Variants in NOP58 observed in about 807,000 individuals in gnomAD.
NOP58 encodes nucleolar protein 58.
A neutral mutation model predicts 71.2 loss-of-function variants in NOP58; 44 were observed. The ratio of observed to expected loss-of-function variants is 0.62; its 90% CI spans 0.49 to 0.79. The LOEUF (loss-of-function observed/expected upper bound fraction) is 0.79. Among genes scored for constraint, NOP58 ranks in the 30% least tolerant of loss-of-function variants. The pLI, the probability that NOP58 is intolerant of heterozygous loss-of-function variation, is 0.00. For synonymous variants in NOP58, 228 were observed against 200.3 expected (o/e 1.14, Z -1.17); for missense variants, 538 against 620.2 (o/e 0.87, Z 1.41).
At chr2:202,271,574 TAA>T (rs951242249) in intron 1 of NOP58, among the ~76,000 whole-genome samples, 2 of 137,826 alleles carry the variant, frequency 1.5e-5, no homozygotes, top group Non-Finnish European at 3.2e-5. Flanking sequence ...GTCTCAAAAA[TAA>T]AAAAAAAAAG....
intron 9 of NOP58, chr2:202,293,179 C>T (rs188853016): frequency 4.8e-6 from 3 of 621,158 alleles, no homozygotes; most frequent in South Asian, 4.2e-5. Flanking sequence ...TTAGAACAAT[C>T]GGATGAATGC....
At chr2:202,271,180 T>A (rs1365685849) in intron 1 of NOP58, among the ~76,000 whole-genome samples, 1 of 152,112 alleles carries the variant, frequency 6.6e-6, no homozygotes, top group African/African-American at 2.4e-5. Context: ...ATGGGCTCAA[T>A]CCTAAAAGGC....
intron 1 of NOP58, among the ~76,000 whole-genome samples, chr2:202,269,049 G>A (rs1288313737): frequency 6.6e-6 from 1 of 152,150 alleles, no homozygotes; most frequent in African/African-American, 2.4e-5. Context: ...GGGTGCAGTG[G>A]CAGGATCATG....
intron 9 of NOP58, among the ~76,000 whole-genome samples, chr2:202,294,645 A>G (rs1003438152): frequency 6.6e-6 from 1 of 152,170 alleles, no homozygotes; most frequent in African/African-American, 2.4e-5. Context: ...GATATCAACA[A>G]CAGTCATAAT....
chr2:202,276,925 T>TC (rs1378653882), intron 2 of NOP58, among the ~76,000 whole-genome samples: 2 of 151,632 alleles, frequency 1.3e-5, no homozygotes, highest in Non-Finnish European at 2.9e-5. Flanking sequence ...GATCACAAGG[T>TC]CAGGAGTTTG....
intron 13 of NOP58, among the ~76,000 whole-genome samples, chr2:202,301,374 A>G (rs1220336868): frequency 1.3e-5 from 2 of 152,016 alleles, no homozygotes; most frequent in South Asian, 4.1e-4. Context: ...TAGTAGAGAC[A>G]GGGTTTCACC....
Position 202,280,393 on chromosome 2 carries a change from G to A in NOP58, c.176-1958G>A, listed in dbSNP as rs1164198262. Reference sequence around the variant, plus strand: ...GGCTGGAGTGCAGTGGCATGATCTCGGCTCACTGCAGTCTCCACCTCCTGA... The same window carrying A: ...GGCTGGAGTGCAGTGGCATGATCTCAGCTCACTGCAGTCTCCACCTCCTGA... On this transcript the variant is annotated intron_variant, in intron 3 of 14. Transcript: ENST00000264279. Among the ~76,000 whole-genome samples the A allele has an allele frequency of 4.0e-5, 6 of 151,678 alleles. No individual in the cohort carries two copies. The East Asian group carries it at 5.8e-4, about 15-fold the overall frequency.
At chr2:202,292,660 A>T (rs1042379862) in intron 8 of NOP58, 117 bp from the exon 9 acceptor site, 6 of 768,988 alleles carry the variant, frequency 7.8e-6, no homozygotes, top group Non-Finnish European at 1.3e-5. Flanking sequence ...TGATGTACCC[A>T]GTACCCAGGG....
At chr2:202,291,320 T>C in intron 8 of NOP58, 50 bp downstream of exon 8, 1 of 1,416,254 alleles carries the variant, frequency 7.1e-7, no homozygotes, top group Non-Finnish European at 9.5e-7. Context: ...AGCTCTATAG[T>C]ACTAATTTTT....
intron 1 of NOP58, among the ~76,000 whole-genome samples, chr2:202,268,535 CA>C (rs879259794): frequency 4.2e-4 from 58 of 139,284 alleles, no homozygotes; most frequent in African/African-American, 8.9e-4. Context: ...AACTCCGTCT[CA>C]AAAAAAAAAA....
intron 1 of NOP58, among the ~76,000 whole-genome samples, chr2:202,268,254 G>A (rs752008392): frequency 6.6e-6 from 1 of 152,130 alleles, no homozygotes; most frequent in Non-Finnish European, 1.5e-5. Context: ...TATGTTGGTT[G>A]CCAGGCATGG....
At chr2:202,296,056 T>C (rs1228987145) in intron 10 of NOP58, among the ~76,000 whole-genome samples, 1 of 150,202 alleles carries the variant, frequency 6.7e-6, no homozygotes, top group Non-Finnish European at 1.5e-5. Context: ...TCTTCCATTG[T>C]GTTAGTATTT....
chr2:202,277,484 A>T (rs893824693), intron 2 of NOP58, among the ~76,000 whole-genome samples: 1 of 152,092 alleles, frequency 6.6e-6, no homozygotes, highest in African/African-American at 2.4e-5. Flanking sequence ...TCAAAAAAAA[A>T]AACAAAAAAC....
Position 202,265,941 on chromosome 2 carries a change from C to A in NOP58, c.-1C>A. The A allele has an allele frequency of 1.2e-6, 2 of 1,614,194 alleles. No homozygotes were observed. Among genetic ancestry groups the A allele is most frequent in the Non-Finnish European group, 1.7e-6 (2 of 1,180,038 alleles). ...GTGCGGCGCCCTGACCCGGCCTCAC[C>A]ATGTTGGTGCTGTTTGAAACGTCTG... On this transcript the variant is annotated 5_prime_UTR_variant, in exon 1 of 15. Transcript: ENST00000264279.
chr2:202,283,945 T>C (rs1327536305), intron 4 of NOP58, among the ~76,000 whole-genome samples: 1 of 152,160 alleles, frequency 6.6e-6, no homozygotes, highest in Non-Finnish European at 1.5e-5. Context: ...CTTGTCCAAC[T>C]GAGAAATGCG....
At chr2:202,303,360 A>C in intron 14 of NOP58, 26 bp from the exon 15 acceptor site, 3 of 1,611,028 alleles carry the variant, frequency 1.9e-6, no homozygotes, top group Non-Finnish European at 1.7e-6. Flanking sequence ...CAGCTCTTTC[A>C]AAGCATTCTT....
chr2:202,291,399 C>A, intron 8 of NOP58, 129 bp downstream of exon 8: 1 of 608,966 alleles, frequency 1.6e-6, no homozygotes. Context: ...GGTGTTCAGT[C>A]ACTACCTCAT....
chr2:202,291,826 AAAAG>A (rs1432342938), intron 8 of NOP58, among the ~76,000 whole-genome samples: 10 of 150,512 alleles, frequency 6.6e-5, no homozygotes, highest in African/African-American at 2.4e-4. Flanking sequence ...AAAAAAAAAA[AAAAG>A]GATGGCAGAC....
chr2:202,282,298 T>G, intron 3 of NOP58, 53 bp from the exon 4 acceptor site: 1 of 1,545,978 alleles, frequency 6.5e-7, no homozygotes, highest in Non-Finnish European at 8.7e-7. Flanking sequence ...GGGCAAGGTC[T>G]CAAAGTTAAA....
Sources: gnomAD v4.1 joint callset for allele counts (sites outside exome capture counted in the v4.1 genomes callset) on GRCh38, gnomAD v4.1.1 for gene constraint, MANE v1.5 for transcripts, NCBI Gene and HGNC (gene_info 2026-07-23, HGNC 2026-07-21) for gene names.